Variants in OSBPL3 observed in about 807,000 individuals in gnomAD.
OSBPL3 encodes oxysterol-binding protein-related protein 3.
A neutral mutation model predicts 120.1 loss-of-function variants in OSBPL3; 65 were observed. The observed-to-expected ratio is 0.54, with a 90% CI of 0.44 to 0.67. OSBPL3 has a LOEUF of 0.67. Among genes scored for constraint, OSBPL3 ranks in the 30% least tolerant of loss-of-function variants. The probability of loss-of-function intolerance (pLI) is 0.00; values close to 1 mark genes in which losing one functional copy is unlikely to be tolerated. For missense variants in OSBPL3, 1,004 were observed against 1,082.1 expected (o/e 0.93, Z 1.01); for synonymous variants, 416 against 402.6 (o/e 1.03, Z -0.40).
intron 5 of OSBPL3, among the ~76,000 whole-genome samples, chr7:24,866,458 T>A (rs1182275239): frequency 6.6e-6 from 1 of 152,012 alleles, no homozygotes; most frequent in Non-Finnish European, 1.5e-5. Context: ...GGCAACCTGG[T>A]GAAACCCTGT....
Position 24,959,900 on chromosome 7 carries a change from A to G in OSBPL3, c.-150+19986T>C, listed in dbSNP as rs1190671258. On this transcript the variant is annotated intron_variant, in intron 1 of 22. Transcript: ENST00000313367. This position sits in a 1 kb window ranked among gnomAD's most constrained non-coding sequence, Gnocchi z 4.3. ...GAATTTTCTATTTCCGAAACAATGC[A>G]TGAGTCACAAATGGTATTCAAATTT... Among the ~76,000 whole-genome samples, 3 of 152,226 alleles carry G rather than the reference A, an allele frequency of 2.0e-5. No individual in the cohort carries two copies. The highest frequency in any genetic ancestry group is 4.4e-5 in the Non-Finnish European group (3 of 68,038).
At chr7:24,864,820 C>T (rs1340528535) in intron 7 of OSBPL3, among the ~76,000 whole-genome samples, 1 of 152,146 alleles carries the variant, frequency 6.6e-6, no homozygotes, top group African/African-American at 2.4e-5. Context: ...TTATCAAAAT[C>T]ACTTGGGGAA....
In OSBPL3 at chr7:24,827,553, A is replaced by G. The variant is rs1795854160; in HGVS notation, c.1884+3215T>C. On this transcript the variant is annotated intron_variant, in intron 16 of 22. Transcript: ENST00000313367. The surrounding 1 kb of genome is among the most constrained non-coding windows in gnomAD (Gnocchi z 5.1). ...GCTTCCCAAGTAATCTGCCTATGGG[A>G]AAATCATACCTAGTCACACTGGACA... is the stretch of plus-strand genomic sequence containing the variant. Among the ~76,000 whole-genome samples, 1 of 152,252 alleles carries G rather than the reference A, an allele frequency of 6.6e-6. No individual in the cohort carries two copies. The highest frequency in any genetic ancestry group is 2.1e-4 in the South Asian group (1 of 4,834).
chr7:24,828,906 C>T (rs140314825), intron 16 of OSBPL3, among the ~76,000 whole-genome samples: 1 of 152,212 alleles, frequency 6.6e-6, no homozygotes, highest in African/African-American at 2.4e-5. Flanking sequence ...CTAACAATAA[C>T]CAGTTCTCTT....
intron 22 of OSBPL3, among the ~76,000 whole-genome samples, chr7:24,800,629 G>A (rs1453399318): frequency 6.6e-6 from 1 of 151,704 alleles, no homozygotes; most frequent in African/African-American, 2.4e-5. Flanking sequence ...ACTAATTTTT[G>A]TATTTTTAGT....
rs960867460 is a variant in OSBPL3 at position 24,854,396 on chromosome 7, A to G, written c.1028-1762T>C. 6.6e-6 allele frequency among the ~76,000 whole-genome samples: 1 copy of G among 152,128 alleles called. No homozygotes were observed. Among genetic ancestry groups the G allele is most frequent in the Admixed American group, 6.5e-5 (1 of 15,276 alleles). On this transcript the variant is annotated intron_variant, in intron 10 of 22. Transcript: ENST00000313367. The surrounding 1 kb of genome is among the most constrained non-coding windows in gnomAD (Gnocchi z 4.1). ...ACTTCATTTAATAGCAAGGAGGACA[A>G]CTAAACCTCTCTATATGTTGTTGCT...
In OSBPL3 at chr7:24,928,393, G is replaced by A. The variant is rs112946083; in HGVS notation, c.-149-35772C>T. Reference sequence around the variant, plus strand: ...TTTTTAGTAGAGACGGGGTTTCACCGTGTTAGCCAGGATGGTCTCGATCTC... The same window carrying A: ...TTTTTAGTAGAGACGGGGTTTCACCATGTTAGCCAGGATGGTCTCGATCTC... On this transcript the variant is annotated intron_variant, in intron 1 of 22. Transcript: ENST00000313367. Among the ~76,000 whole-genome samples the A allele has an allele frequency of 7.2e-3, 1,097 of 152,010 alleles. 10 individuals are homozygous for A. The highest frequency in any genetic ancestry group is 0.021 in the African/African-American group (891 of 41,446).
Position 24,959,088 on chromosome 7 carries a change from C to CTATCATAACT in OSBPL3, c.-150+20797_-150+20798insAGTTATGATA, listed in dbSNP as rs1563011901. 6.6e-6 allele frequency among the ~76,000 whole-genome samples: 1 copy of CTATCATAACT among 152,076 alleles called. No homozygotes were observed. The highest frequency in any genetic ancestry group is 2.4e-5 in the African/African-American group (1 of 41,432). The stretch of plus-strand genomic sequence containing the variant: ...AAAATAAAAAAGAAAAGAACAAGTA[C>CTATCATAACT]AGATGTAGAGCAACTAGAACTATCA... On this transcript the variant is annotated intron_variant, in intron 1 of 22. Transcript: ENST00000313367. The surrounding 1 kb of genome is among the most constrained non-coding windows in gnomAD (Gnocchi z 4.3).
intron 22 of OSBPL3, 63 bp from the exon 23 acceptor site, chr7:24,800,342 T>C (rs932736281): frequency 3.2e-6 from 3 of 942,570 alleles, no homozygotes; most frequent in African/African-American, 1.7e-5. Context: ...TCAAGTCTCT[T>C]TCCTTCCTAA....
chr7:24,903,695 C>A (rs551623087), intron 1 of OSBPL3, among the ~76,000 whole-genome samples: 1 of 152,286 alleles, frequency 6.6e-6, no homozygotes, highest in Admixed American at 6.5e-5. Context: ...TGTCTGCCAA[C>A]ACTCAATACC....
chr7:24,826,488 C>A (rs1189159811), intron 16 of OSBPL3, among the ~76,000 whole-genome samples: 1 of 152,056 alleles, frequency 6.6e-6, no homozygotes, highest in Non-Finnish European at 1.5e-5. Context: ...ATACTGTACT[C>A]CAGTAGCTCT....
chr7:24,865,454 T>C lies in OSBPL3; in HGVS notation c.561A>G (p.Ile187Met). The change falls in exon 7 of 23, where the codon ATA (isoleucine) becomes ATG (methionine). Residue 187 changes from isoleucine (I) to methionine (M), a missense_variant. Ile to Met is a conservative substitution (Grantham distance 10). Transcript: ENST00000313367. ...CAGTTTGAAATAAATTCTGCTTTGA[T>C]ATACTGCTACGCTGTTCCACGGATG... ...DSISSRKRSS[I>M]SKQNLFQTGS... 6.2e-7 allele frequency: 1 copy of C among 1,613,856 alleles called. No homozygotes were observed. The highest frequency in any genetic ancestry group is 1.1e-5 in the South Asian group (1 of 91,068).
intron 10 of OSBPL3, among the ~76,000 whole-genome samples, chr7:24,861,166 CTAATGGCTA>C (rs1184328972): frequency 1.3e-5 from 2 of 152,150 alleles, no homozygotes; most frequent in Non-Finnish European, 2.9e-5. Flanking sequence ...CTGCATTTTC[CTAATGGCTA>C]ATGATGTTGA....
chr7:24,880,412 C>T (rs1025788562), intron 2 of OSBPL3, among the ~76,000 whole-genome samples: 75 of 152,124 alleles, frequency 4.9e-4, no homozygotes, highest in Non-Finnish European at 7.3e-4. Context: ...AGTCCTGCCT[C>T]TCACCCCCCT....
At position 24,851,481 on chromosome 7, in the gene OSBPL3, C is replaced by G. The variant is rs80010323; in HGVS notation, c.1158+1023G>C. On this transcript the variant is annotated intron_variant, in intron 11 of 22. Transcript: ENST00000313367. The surrounding 1 kb of genome is among the most constrained non-coding windows in gnomAD (Gnocchi z 4.1). Reference sequence around the variant, plus strand: ...AAGAGCATCACTTTTCTTGGCAATACGATAAATAGAAAATATGAATCAACA... The same window carrying G: ...AAGAGCATCACTTTTCTTGGCAATAGGATAAATAGAAAATATGAATCAACA... Among the ~76,000 whole-genome samples, 2 of 152,076 alleles carry G rather than the reference C, an allele frequency of 1.3e-5. No individual in the cohort carries two copies. The highest frequency in any genetic ancestry group is 3.8e-4 in the East Asian group (2 of 5,202).
chr7:24,842,137 T>C, intron 13 of OSBPL3, 142 bp downstream of exon 13: 2 of 822,448 alleles, frequency 2.4e-6, no homozygotes, highest in East Asian at 5.1e-5. Context: ...GGGTATGAGT[T>C]ATGGGAGAAC....
At position 24,967,294 on chromosome 7, in the gene OSBPL3, C is replaced by T. The variant is rs1017955876; in HGVS notation, c.-150+12592G>A. ...GAGGATGAAGTAGCCATGCACCACC[C>T]TTGGGTTCCCATGAATTCTTACCCT... On this transcript the variant is annotated intron_variant, in intron 1 of 22. Coordinates refer to ENST00000313367, the MANE Select transcript of OSBPL3 (RefSeq NM_015550.4). This position sits in a 1 kb window ranked among gnomAD's most constrained non-coding sequence, Gnocchi z 5.6. Among the ~76,000 whole-genome samples the T allele has an allele frequency of 6.6e-6, 1 of 152,212 alleles. No homozygotes were observed. The highest frequency in any genetic ancestry group is 2.4e-5 in the African/African-American group (1 of 41,454).
Position 24,797,051 on chromosome 7 carries a change from G to T in OSBPL3, c.*3132C>A, listed in dbSNP as rs1791791831. 6.6e-6 allele frequency: 1 copy of T among 152,166 alleles called. No individual in the cohort carries two copies. Among genetic ancestry groups the T allele is most frequent in the African/African-American group, 2.4e-5 (1 of 41,422 alleles). The allele number at this position is 152,166 out of a possible 1,614,324, so 9.4% of individuals were successfully genotyped here. ...TTATTGCTTCTACTCATAACTAAAA[G>T]GTCTGCGGAGATTCTGTAGTAGCCA... On this transcript the variant is annotated 3_prime_UTR_variant, in exon 23 of 23. Coordinates refer to ENST00000313367, the MANE Select transcript of OSBPL3 (RefSeq NM_015550.4). This position sits in a 1 kb window ranked among gnomAD's most constrained non-coding sequence, Gnocchi z 4.8.
chr7:24,863,598 G>C lies in OSBPL3; in HGVS notation c.675C>G (p.Asp225Glu), dbSNP rs776555838. Residue 225 changes from aspartate (D) to glutamate (E), a missense_variant and splice_region_variant, in exon 8 of 23, where the codon GAC (aspartate) becomes GAG (glutamate). Coordinates refer to ENST00000313367, the MANE Select transcript of OSBPL3 (RefSeq NM_015550.4). The surrounding 1 kb of genome is among the most constrained non-coding windows in gnomAD (Gnocchi z 5.8). The stretch of plus-strand genomic sequence containing the variant: ...CCAGGTAGGCATGACAGTGCGCCAG[G>C]TCTGTGGGGGAAAAGAGGACAGTGC... ...SSEDMEKCSK[D>E]LAHCHAYLVE... The C allele has an allele frequency of 6.2e-7, 1 of 1,606,840 alleles. No homozygotes were observed.
Sources: allele counts gnomAD v4.1 joint callset (sites outside exome capture counted in the v4.1 genomes callset), GRCh38; gene constraint gnomAD v4.1.1; non-coding constraint Gnocchi (gnomAD v3.1); transcripts MANE v1.5; gene names NCBI Gene and HGNC (gene_info 2026-07-23, HGNC 2026-07-21).